PALLD: variants seen among roughly 807,000 people sequenced by gnomAD.
PALLD encodes the protein palladin.
In PALLD, 61 loss-of-function variants were observed where a neutral mutation model predicts 123.5. The observed-to-expected ratio is 0.49, with a 90% CI of 0.40 to 0.61. The LOEUF is 0.61. Among genes scored for constraint, PALLD ranks in the 20% least tolerant of loss-of-function variants. The probability of loss-of-function intolerance (pLI) is 0.00; values close to 1 mark genes in which losing one functional copy is unlikely to be tolerated. For missense variants in PALLD, 1,273 were observed against 1,377.0 expected (o/e 0.92, Z 1.20); for synonymous variants, 465 against 496.4 (o/e 0.94, Z 0.84).
rs910121080 is a variant in PALLD at position 168,926,573 on chromosome 4, A to G, written c.*393A>G. On this transcript the variant is annotated 3_prime_UTR_variant, in exon 22 of 22. Transcript: ENST00000505667. ...TTAAGTAGATAATGCTAATACAAAT[A>G]TACACATTGCACAGAAAATACACAT... 1.9e-6 allele frequency: 1 copy of G among 523,478 alleles called. No individual in the cohort carries two copies. The highest frequency in any genetic ancestry group is 1.9e-5 in the African/African-American group (1 of 52,498). The allele number at this position is 523,478 out of a possible 1,614,324, so 32.4% of individuals were successfully genotyped here.
At chr4:168,763,197 T>G (rs1355995397) in intron 10 of PALLD, among the ~76,000 whole-genome samples, 1 of 152,308 alleles carries the variant, frequency 6.6e-6, no homozygotes, top group South Asian at 2.1e-4. Flanking sequence ...CTCTACAGAA[T>G]TTGATAAATT....
At chr4:168,610,945 A>C (rs1168735686) in intron 2 of PALLD, among the ~76,000 whole-genome samples, 3 of 152,154 alleles carry the variant, frequency 2.0e-5, no homozygotes, top group African/African-American at 7.2e-5. Flanking sequence ...CCATCTTCCC[A>C]AATCTTGTGC....
chr4:168,901,270 T>C (rs1389164487), intron 14 of PALLD, among the ~76,000 whole-genome samples: 1 of 152,228 alleles, frequency 6.6e-6, no homozygotes, highest in Non-Finnish European at 1.5e-5. Context: ...GGCTTATGTT[T>C]TAAAAATATT....
At chr4:168,704,924 T>C (rs1479151628) in intron 8 of PALLD, among the ~76,000 whole-genome samples, 1 of 152,134 alleles carries the variant, frequency 6.6e-6, no homozygotes, top group East Asian at 1.9e-4. Flanking sequence ...GTCAATTTTT[T>C]AAAATACTGC....
intron 9 of PALLD, among the ~76,000 whole-genome samples, chr4:168,711,242 TGA>T (rs1262574491): frequency 4.6e-5 from 7 of 152,214 alleles, no homozygotes; most frequent in African/African-American, 1.7e-4. Context: ...GACCAAAACG[TGA>T]GAGGACAAAG....
intron 10 of PALLD, among the ~76,000 whole-genome samples, chr4:168,800,383 GAATA>G (rs1186779897): frequency 2.0e-5 from 3 of 152,104 alleles, no homozygotes; most frequent in African/African-American, 7.2e-5. Flanking sequence ...GTTACAAATG[GAATA>G]AATAAAGAAC....
At chr4:168,590,167 G>A (rs547421595) in intron 2 of PALLD, among the ~76,000 whole-genome samples, 6 of 152,274 alleles carry the variant, frequency 3.9e-5, no homozygotes, top group Middle Eastern at 3.4e-3. Flanking sequence ...GCGAAACCCC[G>A]TCTCTACTAA....
At chr4:168,537,661 C>A (rs576329253) in intron 2 of PALLD, 16 of 152,294 alleles carry the variant, frequency 1.1e-4, no homozygotes, top group African/African-American at 3.9e-4. Flanking sequence ...CGTCCAAAAA[C>A]TGTGATGATT....
In PALLD at chr4:168,746,062, A is replaced by G. The variant is rs553271188; in HGVS notation, c.1964+34139A>G. ...TAAAATCAGATTTGAGCTCCACCTT[A>G]TTCTGGCCTATACAATGTCCCTGTT... On this transcript the variant is annotated intron_variant, in intron 10 of 21. Coordinates refer to ENST00000505667, the MANE Select transcript of PALLD (RefSeq NM_001166108.2). 2.6e-5 allele frequency among the ~76,000 whole-genome samples: 4 copies of G among 152,246 alleles called. No individual in the cohort carries two copies. In the South Asian group the frequency reaches 8.3e-4, roughly 32 times the overall value.
chr4:168,800,187 A>G (rs1036600612), intron 10 of PALLD, among the ~76,000 whole-genome samples: 7 of 152,202 alleles, frequency 4.6e-5, no homozygotes, highest in African/African-American at 4.8e-5. Flanking sequence ...TCCTTGTGCT[A>G]TATACAAAAG....
chr4:168,842,253 G>A (rs578043551), intron 10 of PALLD, among the ~76,000 whole-genome samples: 1 of 152,296 alleles, frequency 6.6e-6, no homozygotes, highest in African/African-American at 2.4e-5. Context: ...TTTTATTGGT[G>A]ATGGGCATTC....
At chr4:168,678,635 C>T (rs370523611) in intron 3 of PALLD, among the ~76,000 whole-genome samples, 13 of 152,210 alleles carry the variant, frequency 8.5e-5, no homozygotes, top group African/African-American at 2.7e-4. Context: ...GCTTCCTTGC[C>T]ACCATCCTTA....
chr4:168,645,552 A>AT (rs1217791828), intron 2 of PALLD, among the ~76,000 whole-genome samples: 1 of 152,194 alleles, frequency 6.6e-6, no homozygotes, highest in East Asian at 1.9e-4. Context: ...TGAGACATTT[A>AT]TTGAACCTCC....
At chr4:168,879,157 CTCTT>C (rs576529325) in intron 10 of PALLD, among the ~76,000 whole-genome samples, 7 of 152,266 alleles carry the variant, frequency 4.6e-5, no homozygotes, top group Admixed American at 3.9e-4. Flanking sequence ...CCTCCTCTAT[CTCTT>C]TCTGTTTGCA....
chr4:168,909,966 A>AATAT (rs1321148218), intron 15 of PALLD, among the ~76,000 whole-genome samples: 1 of 152,192 alleles, frequency 6.6e-6, no homozygotes, highest in African/African-American at 2.4e-5. Flanking sequence ...ATATTTAGCC[A>AATAT]ATAACACTGT....
chr4:168,721,240 A>C (rs934229163), intron 10 of PALLD, among the ~76,000 whole-genome samples: 1 of 152,194 alleles, frequency 6.6e-6, no homozygotes, highest in South Asian at 2.1e-4. Context: ...GAGCTCTTTT[A>C]GTAATTACAA....
intron 2 of PALLD, among the ~76,000 whole-genome samples, chr4:168,656,252 A>T (rs1371604730): frequency 1.3e-5 from 1 of 79,052 alleles, no homozygotes; most frequent in African/African-American, 5.2e-5. Flanking sequence ...CCCACCCCCC[A>T]CCCCCAACGC....
At chr4:168,900,348 T>C (rs1257426934) in intron 14 of PALLD, among the ~76,000 whole-genome samples, 1 of 152,106 alleles carries the variant, frequency 6.6e-6, no homozygotes, top group Non-Finnish European at 1.5e-5. Flanking sequence ...TGCACAATAT[T>C]GAACAATCTT....
intron 2 of PALLD, among the ~76,000 whole-genome samples, chr4:168,528,725 G>A (rs1764306472): frequency 6.6e-6 from 1 of 152,190 alleles, no homozygotes; most frequent in Non-Finnish European, 1.5e-5. Context: ...TACATTTGAA[G>A]TGGTGCTTGA....
Sources: allele counts gnomAD v4.1 joint callset (sites outside exome capture counted in the v4.1 genomes callset), GRCh38; gene constraint gnomAD v4.1.1; transcripts MANE v1.5; gene names NCBI Gene and HGNC (gene_info 2026-07-23, HGNC 2026-07-21).